The following UBE2V1 variants were observed in gnomAD, a reference collection of about 807,000 sequenced individuals.
UBE2V1 encodes ubiquitin-conjugating enzyme E2 variant 1.
UBE2V1 carries 15 observed loss-of-function variants against 19.6 expected under a neutral mutation model. The observed-to-expected ratio is 0.77, with a 90% CI of 0.51 to 1.18. The LOEUF (loss-of-function observed/expected upper bound fraction) is 1.18, where lower values mean the gene tolerates loss of function less well. UBE2V1 is among the 50% of genes most tolerant of loss of function. The probability of loss-of-function intolerance (pLI) is 0.00; values close to 1 mark genes in which losing one functional copy is unlikely to be tolerated. For synonymous variants in UBE2V1, 60 were observed against 60.7 expected (o/e 0.99, Z 0.05); for missense variants, 125 against 184.8 (o/e 0.68, Z 1.88).
chr20:50,104,280 CAAAA>C (rs34011542), intron 1 of UBE2V1: 386 of 839,418 alleles, frequency 4.6e-4, no homozygotes, highest in Middle Eastern at 1.2e-3. Context: ...GACTCCGTCT[CAAAA>C]AAAAAAAAAA....
intron 3 of UBE2V1, chr20:50,083,882 G>A (rs1600942110): frequency 6.1e-6 from 2 of 328,344 alleles, no homozygotes; most frequent in East Asian, 1.2e-4. Flanking sequence ...GGGGTGGCAT[G>A]AGGAAAGAGC....
intron 1 of UBE2V1, among the ~76,000 whole-genome samples, chr20:50,103,210 A>G (rs578224023): frequency 6.6e-6 from 1 of 152,336 alleles, no homozygotes; most frequent in East Asian, 1.9e-4. Flanking sequence ...AAGCACCCAA[A>G]TACTTATTGA....
At chr20:50,111,811 G>A (rs1035264652) in intron 1 of UBE2V1, among the ~76,000 whole-genome samples, 2 of 152,044 alleles carry the variant, frequency 1.3e-5, no homozygotes, top group African/African-American at 4.8e-5. Context: ...CAACACTGCC[G>A]CTGCTGTGGC....
At chr20:50,094,259 T>C (rs2079480634) in intron 2 of UBE2V1, among the ~76,000 whole-genome samples, 1 of 141,820 alleles carries the variant, frequency 7.1e-6, no homozygotes, top group Non-Finnish European at 1.5e-5. Context: ...TAATATATAA[T>C]GCATTATATA....
chr20:50,096,395 C>T lies in UBE2V1; in HGVS notation c.171+277G>A, dbSNP rs188853241. 2,280 of 617,060 alleles carry T rather than the reference C, an allele frequency of 3.7e-3. 2 individuals are homozygous for T. Among genetic ancestry groups the T allele is most frequent in the Non-Finnish European group, 5.1e-3 (1,993 of 390,560 alleles). 38.2% of individuals were successfully genotyped at this position (617,060 alleles called of 1,614,324 possible). On this transcript the variant is annotated intron_variant, in intron 2 of 3. Transcript: ENST00000371674. ...TGGTTAGCCCAGAGATTGTTCTGAA[C>T]GACATCTGATGGTGCAATGACTTCA...
upstream of UBE2V1, among the ~76,000 whole-genome samples, chr20:50,114,788 G>A (rs1385578460): frequency 6.6e-5 from 10 of 151,108 alleles, no homozygotes; most frequent in Admixed American, 6.6e-4. Flanking sequence ...CCCTAGGGCA[G>A]GGCATGGTGG....
At chr20:50,090,309 G>A (rs2079146074) in intron 2 of UBE2V1, among the ~76,000 whole-genome samples, 1 of 152,066 alleles carries the variant, frequency 6.6e-6, no homozygotes, top group African/African-American at 2.4e-5. Flanking sequence ...CAACTTAAAT[G>A]TCCTAGAGAA....
intron 1 of UBE2V1, chr20:50,111,220 G>A (rs2080730989): frequency 2.0e-6 from 2 of 979,702 alleles, no homozygotes; most frequent in Non-Finnish European, 2.4e-6. Flanking sequence ...CATGCCAAGT[G>A]CTCTTGTATT....
At chr20:50,114,303 C>A (rs2080943681), upstream of UBE2V1, among the ~76,000 whole-genome samples, 1 of 152,162 alleles carries the variant, frequency 6.6e-6, no homozygotes, top group Non-Finnish European at 1.5e-5. Flanking sequence ...ACATCCAATT[C>A]ATCACCTTTG....
chr20:50,110,444 G>A (rs532430505), intron 1 of UBE2V1, among the ~76,000 whole-genome samples: 3 of 152,288 alleles, frequency 2.0e-5, no homozygotes, highest in South Asian at 2.1e-4. Flanking sequence ...CCTGGCAACC[G>A]GAGGCACAGA....
chr20:50,089,965 T>A (rs562418276), intron 2 of UBE2V1, among the ~76,000 whole-genome samples: 44 of 152,126 alleles, frequency 2.9e-4, no homozygotes, highest in African/African-American at 1.0e-3. Flanking sequence ...TCTTTTGCAC[T>A]CCCCCAACCA....
intron 1 of UBE2V1, among the ~76,000 whole-genome samples, chr20:50,099,759 G>T (rs370995067): frequency 1.3e-5 from 2 of 152,078 alleles, no homozygotes; most frequent in Non-Finnish European, 2.9e-5. Flanking sequence ...CTCACTTAAC[G>T]GCATTCCTTA....
At chr20:50,108,947 G>C in intron 1 of UBE2V1, 2 of 985,400 alleles carry the variant, frequency 2.0e-6, no homozygotes, top group Non-Finnish European at 2.4e-6. Context: ...CCAAGACTTA[G>C]GAAGAACATA....
chr20:50,095,554 T>C (rs2079570961), intron 2 of UBE2V1, among the ~76,000 whole-genome samples: 1 of 152,264 alleles, frequency 6.6e-6, no homozygotes, highest in Non-Finnish European at 1.5e-5. Flanking sequence ...TGAGCATTAG[T>C]GTCCTAACAC....
intron 1 of UBE2V1, among the ~76,000 whole-genome samples, chr20:50,102,000 G>A (rs1226187786): frequency 6.6e-6 from 1 of 152,162 alleles, no homozygotes; most frequent in African/African-American, 2.4e-5. Context: ...ATCGGGGGGA[G>A]CTGCAAAAGG....
intron 1 of UBE2V1, among the ~76,000 whole-genome samples, chr20:50,099,181 G>A (rs1029526918): frequency 7.9e-5 from 12 of 151,214 alleles, no homozygotes; most frequent in Admixed American, 5.9e-4. Flanking sequence ...TGATGACTGA[G>A]GTACTTGTTC....
upstream of UBE2V1, chr20:50,113,156 C>A (rs774092036): frequency 1.5e-6 from 2 of 1,319,048 alleles, no homozygotes; most frequent in Non-Finnish European, 2.0e-6. Context: ...TGAAGGCCGG[C>A]CCCTTCTTCA....
At chr20:50,083,973 G>T in intron 3 of UBE2V1, 156 bp downstream of exon 3, 2 of 1,186,668 alleles carry the variant, frequency 1.7e-6, no homozygotes. Flanking sequence ...TGGGAAACAG[G>T]CCCCATCCCA....
At chr20:50,111,219 T>C (rs1044482660) in intron 1 of UBE2V1, 2 of 980,704 alleles carry the variant, frequency 2.0e-6, no homozygotes, top group Non-Finnish European at 2.4e-6. Context: ...CCATGCCAAG[T>C]GCTCTTGTAT....
Sources: gnomAD v4.1 joint callset for allele counts (sites outside exome capture counted in the v4.1 genomes callset) on GRCh38, gnomAD v4.1.1 for gene constraint, MANE v1.5 for transcripts, NCBI Gene and HGNC (gene_info 2026-07-23, HGNC 2026-07-21) for gene names.